RAD54L2: variants seen among roughly 807,000 people sequenced by gnomAD.
RAD54L2 encodes the protein helicase ARIP4.
A neutral mutation model predicts 138.4 loss-of-function variants in RAD54L2; 27 were observed. The observed-to-expected ratio is 0.20, with a 90% confidence interval of 0.14 to 0.27. RAD54L2 has a LOEUF of 0.27. RAD54L2 is among the 10% of genes least tolerant of loss of function. RAD54L2 has a pLI of 1.00. For synonymous variants in RAD54L2, 644 were observed against 723.2 expected, an observed-to-expected ratio of 0.89 and a Z score of 1.76; for missense variants, 1,396 against 1,890.2, an observed-to-expected ratio of 0.74 and a Z score of 4.85.
At chr3:51,639,851 G>T (rs760253066) in intron 13 of RAD54L2, 30 bp from the exon 14 acceptor site, 1 of 1,541,826 alleles carries the variant, frequency 6.5e-7, no homozygotes, top group Non-Finnish European at 8.9e-7. Flanking sequence ...CCTTGGACCT[G>T]CTCTAAGCTG....
At chr3:51,548,793 G>T (rs1698762299) in intron 2 of RAD54L2, among the ~76,000 whole-genome samples, 1 of 148,514 alleles carries the variant, frequency 6.7e-6, no homozygotes, top group Admixed American at 6.8e-5. Context: ...TAGAATCTCT[G>T]CTCTGTCATA....
At chr3:51,541,919 C>G (rs1378238235) in intron 2 of RAD54L2, 1 of 152,116 alleles carries the variant, frequency 6.6e-6, no homozygotes, top group South Asian at 2.1e-4. Flanking sequence ...AAAATAAAAA[C>G]TTGTTTATTT....
intron 2 of RAD54L2, among the ~76,000 whole-genome samples, chr3:51,560,366 T>C (rs1699069997): frequency 6.6e-6 from 1 of 150,476 alleles, no homozygotes; most frequent in Non-Finnish European, 1.5e-5. Flanking sequence ...TTTTTTCTTT[T>C]TTTTTTTTTT....
chr3:51,646,272 C>T lies in RAD54L2; in HGVS notation c.2830-13C>T, dbSNP rs199866446. 1.1e-3 allele frequency: 1,664 copies of T among 1,567,206 alleles called. 2 individuals carry two copies. Among genetic ancestry groups the T allele is most frequent in the Non-Finnish European group, 1.4e-3 (1,563 of 1,156,296 alleles). On this transcript the variant is annotated splice_polypyrimidine_tract_variant and intron_variant, in intron 18 of 22. Coordinates refer to ENST00000684192, the MANE Select transcript of RAD54L2 (RefSeq NM_015106.4). ...ATGTTGGTAACTAAATCAACATCCT[C>T]CTGTGTCCCCAGGAGCCTTTCGAGC... is the stretch of plus-strand genomic sequence containing the variant.
At chr3:51,653,481 T>C (rs1278861426) in intron 19 of RAD54L2, among the ~76,000 whole-genome samples, 2 of 152,196 alleles carry the variant, frequency 1.3e-5, no homozygotes, top group Admixed American at 6.5e-5. Flanking sequence ...CACATGCACA[T>C]GTATGTTTAT....
At chr3:51,571,261 T>C (rs1699331577) in intron 2 of RAD54L2, among the ~76,000 whole-genome samples, 1 of 152,182 alleles carries the variant, frequency 6.6e-6, no homozygotes. Flanking sequence ...ATCCCAGCCT[T>C]TGCCCCTTGT....
intron 2 of RAD54L2, among the ~76,000 whole-genome samples, chr3:51,570,039 C>T (rs1413807444): frequency 6.6e-6 from 1 of 151,416 alleles, no homozygotes; most frequent in Non-Finnish European, 1.5e-5. Flanking sequence ...CACTATGTTG[C>T]CCAGGCTGTT....
intron 2 of RAD54L2, among the ~76,000 whole-genome samples, chr3:51,562,733 C>CAA (rs1214277365): frequency 6.6e-6 from 1 of 152,070 alleles, no homozygotes; most frequent in African/African-American, 2.4e-5. Context: ...AGGCTGGTCT[C>CAA]AAAGTCTGTG....
intron 3 of RAD54L2, among the ~76,000 whole-genome samples, chr3:51,591,803 C>G (rs1354177133): frequency 2.0e-5 from 3 of 152,128 alleles, no homozygotes; most frequent in Non-Finnish European, 4.4e-5. Context: ...ATTGTATTTA[C>G]AGACACCCTT....
chr3:51,641,890 C>A, intron 15 of RAD54L2, 23 bp downstream of exon 15: 1 of 1,509,870 alleles, frequency 6.6e-7, no homozygotes. Flanking sequence ...TTGCGTTGTT[C>A]TTGAAGCCTT....
intron 2 of RAD54L2, chr3:51,541,873 T>G (rs1457631049): frequency 6.6e-6 from 1 of 152,186 alleles, no homozygotes; most frequent in African/African-American, 2.4e-5. Flanking sequence ...TCAAAATAGC[T>G]CTCATTTTCC....
intron 2 of RAD54L2, among the ~76,000 whole-genome samples, chr3:51,568,448 A>G (rs764174378): frequency 6.6e-6 from 1 of 152,212 alleles, no homozygotes; most frequent in African/African-American, 2.4e-5. Flanking sequence ...TTGTAACTTC[A>G]TTAACCCTCC....
chr3:51,647,608 G>A (rs1377013657), intron 19 of RAD54L2, among the ~76,000 whole-genome samples: 1 of 152,156 alleles, frequency 6.6e-6, no homozygotes, highest in Non-Finnish European at 1.5e-5. Flanking sequence ...GGCAGAGGTT[G>A]TGGTGAGCCG....
At chr3:51,607,344 C>T (rs910411381) in intron 3 of RAD54L2, among the ~76,000 whole-genome samples, 3 of 152,002 alleles carry the variant, frequency 2.0e-5, no homozygotes, top group Non-Finnish European at 4.4e-5. Context: ...ATCTGTTTAA[C>T]AAAGCACATC....
Position 51,641,848 on chromosome 3 carries a change from T to C in RAD54L2, c.2331T>C (p.Val777=). Residue 777 remains valine (V), a synonymous_variant, in exon 15 of 23, where the codon GTT becomes GTC. Coordinates refer to ENST00000684192, the MANE Select transcript of RAD54L2 (RefSeq NM_015106.4). Reference sequence around the variant, plus strand: ...AGGGGCAAGGAGCACAGAAGTGGGTTCGAAACATCAGCTACTTCCGTGAGT... The same window carrying C: ...AGGGGCAAGGAGCACAGAAGTGGGTCCGAAACATCAGCTACTTCCGTGAGT... ...GTEGQGAQKW[V]RNISYFRLDG... 6.3e-7 allele frequency: 1 copy of C among 1,589,624 alleles called. No individual in the cohort carries two copies. The highest frequency in any genetic ancestry group is 8.6e-7 in the Non-Finnish European group (1 of 1,167,374).
intron 22 of RAD54L2, among the ~76,000 whole-genome samples, chr3:51,660,856 G>A (rs1177368964): frequency 2.7e-5 from 4 of 147,198 alleles, no homozygotes; most frequent in African/African-American, 7.6e-5. Context: ...TCCTGACCTC[G>A]GGATCCGCCT....
At chr3:51,630,409 T>C in intron 6 of RAD54L2, 21 bp downstream of exon 6, 1 of 1,586,876 alleles carries the variant, frequency 6.3e-7, no homozygotes, top group Non-Finnish European at 8.7e-7. Flanking sequence ...ACCAGGTGCC[T>C]CCCTTTCTTC....
Position 51,645,320 on chromosome 3 carries a change from C to T in RAD54L2, c.2656+91C>T. On this transcript the variant is annotated intron_variant, in intron 17 of 22. Coordinates refer to ENST00000684192, the MANE Select transcript of RAD54L2 (RefSeq NM_015106.4). This position sits in a 1 kb window ranked among gnomAD's most constrained non-coding sequence, Gnocchi z 6.1. ...GTGGGAGAGGAGCAGGATATGGGAA[C>T]ACAGGCAGGCTTCGAGAAAGCCAGC... 1.5e-6 allele frequency: 2 copies of T among 1,314,630 alleles called. No individual in the cohort carries two copies. The highest frequency in any genetic ancestry group is 2.1e-6 in the Non-Finnish European group (2 of 942,748). The allele number at this position is 1,314,630 out of a possible 1,614,324, so 81.4% of individuals were successfully genotyped here. A position where few individuals can be genotyped will look rare whatever the true frequency, so the allele number is the denominator to read the frequency against.
chr3:51,613,654 C>T (rs1410197105), intron 3 of RAD54L2, among the ~76,000 whole-genome samples: 1 of 151,520 alleles, frequency 6.6e-6, no homozygotes, highest in African/African-American at 2.4e-5. Flanking sequence ...GTAATCCCAG[C>T]TACGGGAGGC....
Sources: gnomAD v4.1 joint callset for allele counts (sites outside exome capture counted in the v4.1 genomes callset) on GRCh38, gnomAD v4.1.1 for gene constraint, Gnocchi (gnomAD v3.1) non-coding constraint, MANE v1.5 for transcripts, NCBI Gene and HGNC (gene_info 2026-07-23, HGNC 2026-07-21) for gene names.